The following RBFOX1 variants were observed in gnomAD, a reference collection of about 807,000 sequenced individuals.
RBFOX1 encodes RNA binding fox-1 homolog 1.
RBFOX1 carries 8 observed loss-of-function variants against 57.7 expected under a neutral mutation model. The ratio of observed to expected loss-of-function variants is 0.14; its 90% CI spans 0.08 to 0.25. The LOEUF (loss-of-function observed/expected upper bound fraction) is 0.25, where lower values mean the gene tolerates loss of function less well. Among genes scored for constraint, RBFOX1 ranks in the 10% least tolerant of loss-of-function variants. The pLI is 1.00. For missense variants in RBFOX1, 611 were observed against 548.5 expected (o/e 1.11, Z -1.14); for synonymous variants, 326 against 222.4 (o/e 1.47, Z -4.15).
At chr16:6,177,441 G>C (rs1264747976) in intron 1 of RBFOX1, among the ~76,000 whole-genome samples, 1 of 152,092 alleles carries the variant, frequency 6.6e-6, no homozygotes, top group African/African-American at 2.4e-5. Flanking sequence ...TTGTGGGGTA[G>C]AGGAGGTGGT....
chr16:7,593,500 A>G (rs749128537), intron 7 of RBFOX1, among the ~76,000 whole-genome samples: 1 of 152,220 alleles, frequency 6.6e-6, no homozygotes, highest in Non-Finnish European at 1.5e-5. Context: ...ATAATCTTAA[A>G]TGAATCAGAT....
intron 3 of RBFOX1, among the ~76,000 whole-genome samples, chr16:5,606,397 C>T (rs527538020): frequency 6.6e-6 from 1 of 152,140 alleles, no homozygotes; most frequent in African/African-American, 2.4e-5. Context: ...GAGATTCTTC[C>T]TAAGTCACTC....
intron 4 of RBFOX1, among the ~76,000 whole-genome samples, chr16:7,273,230 C>CTTCCTTCT: frequency 7.2e-6 from 1 of 139,252 alleles, no homozygotes; most frequent in East Asian, 2.2e-4. Flanking sequence ...TCCTTCCTTC[C>CTTCCTTCT]TTCCTTCCTT....
chr16:6,701,726 A>G (rs2061885573), intron 3 of RBFOX1, among the ~76,000 whole-genome samples: 1 of 152,196 alleles, frequency 6.6e-6, no homozygotes, highest in Non-Finnish European at 1.5e-5. Context: ...AGTAGACTGG[A>G]TTTTAAAAAT....
rs866821777 is a variant in RBFOX1, at chr16:6,676,142, G to A, written c.-16+21492G>A. The stretch of plus-strand genomic sequence containing the variant: ...CTGCCTAGGGGACACACACACACGC[G>A]CACACACACACACACACACACACAC... On this transcript the variant is annotated intron_variant, in intron 3 of 15. Transcript: ENST00000550418. Among the ~76,000 whole-genome samples the A allele has an allele frequency of 1.0e-2, 1,453 of 145,946 alleles. 34 individuals are homozygous for A. The highest frequency in any genetic ancestry group is 0.035 in the African/African-American group (1,363 of 38,798).
chr16:6,328,340 G>A (rs1317254609), intron 2 of RBFOX1, among the ~76,000 whole-genome samples: 2 of 152,044 alleles, frequency 1.3e-5, no homozygotes, highest in African/African-American at 2.4e-5. Context: ...TATACTCCTC[G>A]GGTGATGGGT....
intron 1 of RBFOX1, among the ~76,000 whole-genome samples, chr16:6,172,090 G>T (rs554463358): frequency 1.4e-4 from 21 of 152,088 alleles, no homozygotes; most frequent in African/African-American, 5.1e-4. Flanking sequence ...CAAAGTGCTG[G>T]TATTACAGGC....
intron 3 of RBFOX1, among the ~76,000 whole-genome samples, chr16:6,872,482 T>G (rs1344324393): frequency 6.6e-6 from 1 of 152,220 alleles, no homozygotes; most frequent in Non-Finnish European, 1.5e-5. Context: ...GCCCCTTGCT[T>G]TAGGTTTCAG....
chr16:6,796,866 A>G (rs1049290203), intron 3 of RBFOX1, among the ~76,000 whole-genome samples: 1 of 152,132 alleles, frequency 6.6e-6, no homozygotes, highest in Admixed American at 6.5e-5. Flanking sequence ...TTGCATGATG[A>G]CTGCTTGTCT....
At chr16:5,463,357 C>G (rs1187748040) in intron 1 of RBFOX1, among the ~76,000 whole-genome samples, 3 of 152,136 alleles carry the variant, frequency 2.0e-5, no homozygotes, top group African/African-American at 7.2e-5. Context: ...TTCTATGAAG[C>G]TGATCTCTTT....
chr16:5,713,493 C>G (rs770122571), intron 3 of RBFOX1, among the ~76,000 whole-genome samples: 1 of 152,148 alleles, frequency 6.6e-6, no homozygotes, highest in Non-Finnish European at 1.5e-5. Flanking sequence ...CCCCAAATAT[C>G]TCATCTTTGT....
intron 4 of RBFOX1, among the ~76,000 whole-genome samples, chr16:7,450,847 G>A (rs1045886724): frequency 1.3e-5 from 2 of 152,094 alleles, no homozygotes; most frequent in African/African-American, 4.8e-5. Flanking sequence ...GATGGCATGC[G>A]ACGGGCCCAG....
intron 5 of RBFOX1, among the ~76,000 whole-genome samples, chr16:7,518,820 C>T (rs2076942951): frequency 6.6e-6 from 1 of 152,010 alleles, no homozygotes; most frequent in Admixed American, 6.6e-5. Context: ...GACAGGAGTT[C>T]GAGAATAGCC....
At chr16:7,321,680 T>C (rs1195510812) in intron 4 of RBFOX1, among the ~76,000 whole-genome samples, 2 of 152,200 alleles carry the variant, frequency 1.3e-5, no homozygotes, top group Non-Finnish European at 2.9e-5. Context: ...TTAGAAGATG[T>C]TTGGCAAATA....
At chr16:5,819,271 C>G (rs950979468) in intron 3 of RBFOX1, among the ~76,000 whole-genome samples, 1 of 152,218 alleles carries the variant, frequency 6.6e-6, no homozygotes, top group Non-Finnish European at 1.5e-5. Flanking sequence ...TACGAGCTCT[C>G]TGGGATCTCT....
chr16:7,368,256 G>C (rs1389542399), intron 4 of RBFOX1, among the ~76,000 whole-genome samples: 2 of 146,452 alleles, frequency 1.4e-5, no homozygotes, highest in Non-Finnish European at 3.0e-5. Flanking sequence ...CACAGAGTGA[G>C]ACTGTCTCGA....
intron 4 of RBFOX1, among the ~76,000 whole-genome samples, chr16:7,056,110 G>A (rs1467013773): frequency 6.6e-6 from 1 of 152,154 alleles, no homozygotes; most frequent in African/African-American, 2.4e-5. Flanking sequence ...TGGGCAGCAG[G>A]CATGGGGCAT....
At chr16:6,769,173 G>A (rs995123197) in intron 3 of RBFOX1, among the ~76,000 whole-genome samples, 3 of 152,168 alleles carry the variant, frequency 2.0e-5, no homozygotes, top group Non-Finnish European at 4.4e-5. Context: ...CTGTTCTCAT[G>A]ATAGTGCATA....
chr16:7,414,829 G>C (rs1254808400), intron 4 of RBFOX1, among the ~76,000 whole-genome samples: 1 of 152,150 alleles, frequency 6.6e-6, no homozygotes, highest in Non-Finnish European at 1.5e-5. Flanking sequence ...TGTTAGCCAG[G>C]CTGGTCTTGA....
Sources: gnomAD v4.1 joint callset for allele counts (sites outside exome capture counted in the v4.1 genomes callset) on GRCh38, gnomAD v4.1.1 for gene constraint, MANE v1.5 for transcripts, NCBI Gene and HGNC (gene_info 2026-07-23, HGNC 2026-07-21) for gene names.